Variants in MFF observed in about 807,000 individuals in gnomAD.
MFF encodes the protein mitochondrial fission factor, also known as chromosome 2 open reading frame 33.
MFF carries 12 observed loss-of-function variants against 36.9 expected under a neutral mutation model. The ratio of observed to expected loss-of-function variants is 0.33; its 90% CI spans 0.21 to 0.53. The LOEUF is 0.53. Among genes scored for constraint, MFF ranks in the 20% least tolerant of loss-of-function variants. The pLI is 0.95. For missense variants in MFF, 348 were observed against 366.6 expected (o/e 0.95, Z 0.42); for synonymous variants, 99 against 126.2 (o/e 0.78, Z 1.44).
chr2:227,336,851 C>T lies in MFF; in HGVS notation c.352-3441C>T, dbSNP rs540165350. Among the ~76,000 whole-genome samples the T allele has an allele frequency of 1.3e-4, 20 of 152,288 alleles. No homozygotes were observed. In the South Asian group the frequency reaches 3.3e-3, roughly 25 times the overall value. On this transcript the variant is annotated intron_variant, in intron 4 of 8. Coordinates refer to ENST00000304593, the MANE Select transcript of MFF (RefSeq NM_001277062.2). The stretch of plus-strand genomic sequence containing the variant: ...GTGCCCAGTTCAATTGATATGACAA[C>T]GCTAAGGATGTGAAGCAAAAAACCA...
rs10549336 is a variant in MFF, at chr2:227,331,959, ATTTTTTTTTTT to A, written c.182-440_182-430del. ...AGTGAAATGTCAATACGCTGGAAGC[ATTTTTTTTTTT>A]TTTTTTTTTTTTTTTTTTTGAGACG... is the stretch of plus-strand genomic sequence containing the variant. On this transcript the variant is annotated intron_variant, in intron 3 of 8. Transcript: ENST00000304593. 9.1e-3 allele frequency among the ~76,000 whole-genome samples: 699 copies of A among 76,830 alleles called. 16 individuals carry two copies. The highest frequency in any genetic ancestry group is 0.03 in the Middle Eastern group (3 of 100). The allele number at this position is 76,830 out of a possible 152,430, so 50.4% of individuals were successfully genotyped here.
At chr2:227,333,229 CAT>C (rs1272178131) in intron 4 of MFF, among the ~76,000 whole-genome samples, 2 of 152,186 alleles carry the variant, frequency 1.3e-5, no homozygotes, top group African/African-American at 2.4e-5. Flanking sequence ...AATGTGCAAA[CAT>C]ATGTTTTTAT....
intron 5 of MFF, 48 bp downstream of exon 5, chr2:227,340,428 A>C (rs747516048): frequency 5.6e-6 from 8 of 1,430,428 alleles, no homozygotes; most frequent in Non-Finnish European, 7.9e-6. Context: ...TTTTCTCAGG[A>C]TATTTTCTGT....
chr2:227,335,660 T>C (rs1448102691), intron 4 of MFF, among the ~76,000 whole-genome samples: 1 of 152,252 alleles, frequency 6.6e-6, no homozygotes, highest in Non-Finnish European at 1.5e-5. Context: ...TCTGAAAGCC[T>C]GATTGATGCA....
chr2:227,346,950 AT>A (rs1296671734), intron 5 of MFF: 2 of 259,626 alleles, frequency 7.7e-6, no homozygotes, highest in East Asian at 7.1e-5. Context: ...GGTTGAACAC[AT>A]TCATTGCTGT....
chr2:227,352,461 T>G, intron 6 of MFF, 53 bp from the exon 7 acceptor site: 1 of 1,317,348 alleles, frequency 7.6e-7, no homozygotes, highest in Non-Finnish European at 1.1e-6. Flanking sequence ...ATTTTATTAC[T>G]TCTCTGTTTC....
At chr2:227,327,230 T>C (rs993933233) in intron 1 of MFF, among the ~76,000 whole-genome samples, 2 of 152,076 alleles carry the variant, frequency 1.3e-5, no homozygotes, top group African/African-American at 4.8e-5. Flanking sequence ...TGGGAACCAC[T>C]GGGCTTAGAA....
chr2:227,340,010 A>T (rs991913987), intron 4 of MFF, among the ~76,000 whole-genome samples: 6 of 152,258 alleles, frequency 3.9e-5, no homozygotes, highest in Non-Finnish European at 8.8e-5. Context: ...TGTACCAAGT[A>T]AAATTGATAC....
chr2:227,328,121 AG>A (rs1030862288), intron 1 of MFF, among the ~76,000 whole-genome samples: 1 of 152,144 alleles, frequency 6.6e-6, no homozygotes, highest in Admixed American at 6.5e-5. Flanking sequence ...CTGTAGTCCC[AG>A]CACTTTAGGA....
chr2:227,347,491 C>G, intron 6 of MFF, 107 bp downstream of exon 6: 1 of 851,520 alleles, frequency 1.2e-6, no homozygotes, highest in Non-Finnish European at 1.9e-6. Context: ...TAGCCTCTTT[C>G]TAAGATGCAA....
chr2:227,325,534 GC>G lies in MFF; in HGVS notation c.-153+114del, dbSNP rs145855603. On this transcript the variant is annotated intron_variant, in intron 1 of 8. Transcript: ENST00000304593. ...CCAACAGGGACCCGCGGTGGCCCCG[GC>G]CCCCCCGGTAGTGTCTCCCTGACCC... 0.13 allele frequency: 20,176 copies of G among 151,850 alleles called. 1,398 individuals carry two copies. Among genetic ancestry groups the G allele is most frequent in the Non-Finnish European group, 0.15 (10,150 of 68,010 alleles). The allele number at this position is 151,850 out of a possible 1,614,324, so 9.4% of individuals were successfully genotyped here. A position where few individuals can be genotyped will look rare whatever the true frequency, so the allele number is the denominator to read the frequency against.
At position 227,330,784 on chromosome 2, in the gene MFF, T is replaced by A; in HGVS notation, c.119T>A (p.Phe40Tyr). The A allele has an allele frequency of 6.2e-7, 1 of 1,614,172 alleles. No homozygotes were observed. The highest frequency in any genetic ancestry group is 8.5e-7 in the Non-Finnish European group (1 of 1,179,992). ...CCAAACGCTGACCTGGAACAAGGAT[T>A]CCAAGAAGGAGTTCCAAATGCTAGT... ...APPNADLEQG[F>Y]QEGVPNASVI... The change falls in exon 3 of 9, where the codon TTC (phenylalanine) becomes TAC (tyrosine). Residue 40 changes from phenylalanine (F) to tyrosine (Y), a missense_variant. Physicochemically the swap from Phe to Tyr is conservative, Grantham distance 22. Transcript: ENST00000304593.
chr2:227,347,336 C>T lies in MFF; in HGVS notation c.551C>T (p.Thr184Ile). The T allele has an allele frequency of 1.2e-6, 2 of 1,613,814 alleles. No homozygotes were observed. The highest frequency in any genetic ancestry group is 8.5e-7 in the Non-Finnish European group (1 of 1,179,792). The change falls in exon 6 of 9, where the codon ACT becomes ATT. Residue 184 changes from threonine to isoleucine, a missense_variant. Physicochemically the swap from Thr to Ile is moderately conservative, Grantham distance 89. Coordinates refer to ENST00000304593, the MANE Select transcript of MFF (RefSeq NM_001277062.2). ...ATTTTGTCGCTTATCCAGTCTTCTA[C>T]TCGTAGGGCATACCAGCAGATCTTG... is the stretch of plus-strand genomic sequence containing the variant. ...RGILSLIQSS[T>I]RRAYQQILDV...
chr2:227,340,738 AT>A (rs2075343646), intron 5 of MFF, among the ~76,000 whole-genome samples: 2 of 152,194 alleles, frequency 1.3e-5, no homozygotes, highest in South Asian at 4.1e-4. Flanking sequence ...GATTCATTGA[AT>A]TTTTTGGTCC....
intron 1 of MFF, among the ~76,000 whole-genome samples, chr2:227,326,011 G>GCT (rs1439014576): frequency 3.9e-5 from 6 of 152,158 alleles, no homozygotes; most frequent in Non-Finnish European, 7.3e-5. Context: ...GCAGGCAGTT[G>GCT]CTCTCGGGTT....
intron 5 of MFF, among the ~76,000 whole-genome samples, chr2:227,343,489 A>AC (rs1285165872): frequency 6.6e-6 from 1 of 152,172 alleles, no homozygotes; most frequent in Non-Finnish European, 1.5e-5. Flanking sequence ...TGCTTCCAGG[A>AC]ACTATTCAGT....
At chr2:227,326,082 C>T (rs547788187) in intron 1 of MFF, among the ~76,000 whole-genome samples, 1 of 152,172 alleles carries the variant, frequency 6.6e-6, no homozygotes, top group South Asian at 2.1e-4. Flanking sequence ...GAGCTTCTGA[C>T]CTTCCTCTGC....
intron 5 of MFF, among the ~76,000 whole-genome samples, chr2:227,341,280 T>C (rs1216170392): frequency 2.2e-5 from 2 of 92,082 alleles, no homozygotes; most frequent in Non-Finnish European, 4.5e-5. Context: ...ATATTAAAGG[T>C]AGAGAGAGGT....
chr2:227,338,369 CAAAA>C (rs373093427), intron 4 of MFF, among the ~76,000 whole-genome samples: 5 of 114,846 alleles, frequency 4.4e-5, no homozygotes, highest in African/African-American at 1.3e-4. Flanking sequence ...CACTCTGTCT[CAAAA>C]AAAAAAAAAA....
Sources: gnomAD v4.1 joint callset for allele counts (sites outside exome capture counted in the v4.1 genomes callset) on GRCh38, gnomAD v4.1.1 for gene constraint, MANE v1.5 for transcripts, NCBI Gene and HGNC (gene_info 2026-07-23, HGNC 2026-07-21) for gene names.